TSC22D2: variants seen among roughly 807,000 people sequenced by gnomAD.
TSC22D2 encodes TSC22 domain family protein 2.
In TSC22D2, 5 loss-of-function variants were observed where a neutral mutation model predicts 50.1. That is an observed-to-expected ratio of 0.10 (90% CI 0.05 to 0.21). The LOEUF is 0.21. Ranked by LOEUF, TSC22D2 falls within the 10% of genes least tolerant of loss-of-function variation. The pLI, the probability that TSC22D2 is intolerant of heterozygous loss-of-function variation, is 1.00. For synonymous variants in TSC22D2, 501 were observed against 450.1 expected (o/e 1.11, Z -1.43); for missense variants, 1,003 against 1,015.5 (o/e 0.99, Z 0.17).
At chr3:150,418,217 A>C (rs1576543123) in intron 1 of TSC22D2, among the ~76,000 whole-genome samples, 1 of 151,932 alleles carries the variant, frequency 6.6e-6, no homozygotes, top group Non-Finnish European at 1.5e-5. Context: ...TGAGCACTGG[A>C]ATACAAATAT....
At chr3:150,424,536 A>G in intron 1 of TSC22D2, among the ~76,000 whole-genome samples, 1 of 152,200 alleles carries the variant, frequency 6.6e-6, no homozygotes, top group East Asian at 1.9e-4. Flanking sequence ...TGATATTGAA[A>G]GGTTTATTTT....
rs1721369505 is a variant in TSC22D2 at position 150,460,698 on chromosome 3, C to CTGTT, written c.*2063_*2066dup. On this transcript the variant is annotated 3_prime_UTR_variant, in exon 3 of 3. Coordinates refer to ENST00000688009, the MANE Select transcript of TSC22D2 (RefSeq NM_001303264.2). Reference sequence around the variant, plus strand: ...TGGAATGTGAAACTTCACTGTTGGACTGTTAACCGAAAAGGTTTGCTGGCT... The same window carrying CTGTT: ...TGGAATGTGAAACTTCACTGTTGGACTGTTTGTTAACCGAAAAGGTTTGCTGGCT... 1 of 152,198 alleles carries CTGTT rather than the reference C, an allele frequency of 6.6e-6. No homozygotes were observed. The highest frequency in any genetic ancestry group is 2.1e-4 in the South Asian group (1 of 4,832). 9.4% of individuals were successfully genotyped at this position (152,198 alleles called of 1,614,324 possible). A position where few individuals can be genotyped will look rare whatever the true frequency, so the allele number is the denominator to read the frequency against.
chr3:150,423,771 AT>A (rs1720087281), intron 1 of TSC22D2, among the ~76,000 whole-genome samples: 1 of 152,198 alleles, frequency 6.6e-6, no homozygotes, highest in Admixed American at 6.5e-5. Flanking sequence ...CTTAACACAC[AT>A]TTTAAGTAGT....
At position 150,408,366 on chromosome 3, in the gene TSC22D2, C is replaced by T. The variant is rs1300598805; in HGVS notation, c.-985C>T. On this transcript the variant is annotated 5_prime_UTR_variant, in exon 1 of 3. Coordinates refer to ENST00000688009, the MANE Select transcript of TSC22D2 (RefSeq NM_001303264.2). Reference sequence around the variant, plus strand: ...ATCCCTGGCGCGGCCATTTCAGCCCCATCTTGGCCCAGCGGAGGGAGCTGC... The same window carrying T: ...ATCCCTGGCGCGGCCATTTCAGCCCTATCTTGGCCCAGCGGAGGGAGCTGC... 2 of 153,104 alleles carry T rather than the reference C, an allele frequency of 1.3e-5. No homozygotes were observed. The highest frequency in any genetic ancestry group is 2.4e-5 in the African/African-American group (1 of 41,458). 9.5% of individuals were successfully genotyped at this position (153,104 alleles called of 1,614,324 possible).
rs140851096 is a variant in TSC22D2, at chr3:150,447,867, G to T, written c.1959-9209G>T. 4.3e-4 allele frequency among the ~76,000 whole-genome samples: 65 copies of T among 152,260 alleles called. 3 individuals carry two copies. In the East Asian group the frequency reaches 0.012, roughly 27 times the overall value. ...CTTACACTATTTTTCCAGTCACCAA[G>T]AAATAATTTAAAGTAGCAGGTATTA... On this transcript the variant is annotated intron_variant, in intron 1 of 2. Coordinates refer to ENST00000688009, the MANE Select transcript of TSC22D2 (RefSeq NM_001303264.2).
intron 1 of TSC22D2, 114 bp downstream of exon 1, chr3:150,411,422 A>C: frequency 2.5e-6 from 3 of 1,200,516 alleles, no homozygotes; most frequent in Non-Finnish European, 3.4e-6. Context: ...TTTAAATACA[A>C]AATTTAGTTT....
chr3:150,452,282 C>T (rs1016444004), intron 1 of TSC22D2, among the ~76,000 whole-genome samples: 1 of 152,038 alleles, frequency 6.6e-6, no homozygotes, highest in Non-Finnish European at 1.5e-5. Context: ...CCCGTCTCCA[C>T]TAAAAATACA....
intron 1 of TSC22D2, among the ~76,000 whole-genome samples, chr3:150,445,707 G>A (rs937327693): frequency 2.0e-5 from 3 of 152,088 alleles, no homozygotes; most frequent in Admixed American, 6.6e-5. Context: ...CCTTATAGCC[G>A]TCCTTTAAGA....
chr3:150,422,961 A>C lies in TSC22D2; in HGVS notation c.1958+11653A>C, dbSNP rs956386921. ...TTATTAAAAGTTACACTGTATTAGA[A>C]ATCTAAAATCTTCCATCTTCTTTTG... On this transcript the variant is annotated intron_variant, in intron 1 of 2. Coordinates refer to ENST00000688009, the MANE Select transcript of TSC22D2 (RefSeq NM_001303264.2). 4 of 965,116 alleles carry C rather than the reference A, an allele frequency of 4.1e-6. No homozygotes were observed. The African/African-American group carries it at 6.7e-5, about 16-fold the overall frequency. 59.8% of individuals were successfully genotyped at this position (965,116 alleles called of 1,614,324 possible). A position where few individuals can be genotyped will look rare whatever the true frequency, so the allele number is the denominator to read the frequency against.
At chr3:150,457,723 C>A (rs1357081829) in intron 2 of TSC22D2, among the ~76,000 whole-genome samples, 1 of 152,298 alleles carries the variant, frequency 6.6e-6, no homozygotes, top group African/African-American at 2.4e-5. Context: ...GCAACCTCCA[C>A]CTCCCAGGTT....
At chr3:150,417,766 T>C (rs764616499) in intron 1 of TSC22D2, among the ~76,000 whole-genome samples, 3 of 152,098 alleles carry the variant, frequency 2.0e-5, no homozygotes, top group Non-Finnish European at 4.4e-5. Flanking sequence ...TTACATGTTA[T>C]AAATCATACC....
At chr3:150,450,622 A>G (rs1169307537) in intron 1 of TSC22D2, among the ~76,000 whole-genome samples, 1 of 152,112 alleles carries the variant, frequency 6.6e-6, no homozygotes, top group African/African-American at 2.4e-5. Flanking sequence ...GAGGTTGTCT[A>G]TATGAATTTT....
In TSC22D2 at chr3:150,410,178, G is replaced by T. The variant is rs1206191550; in HGVS notation, c.828G>T (p.Pro276=). ...PQSFSVGQPQ[P]PPPPVGGAVA... ...GTTTTAGCGTTGGGCAGCCACAGCC[G>T]CCGCCGCCACCCGTAGGTGGGGCTG... is the stretch of plus-strand genomic sequence containing the variant. The change falls in exon 1 of 3, where the codon CCG becomes CCT. Residue 276 remains proline, a synonymous_variant. Coordinates refer to ENST00000688009, the MANE Select transcript of TSC22D2 (RefSeq NM_001303264.2). 2.5e-6 allele frequency: 4 copies of T among 1,608,300 alleles called. No individual in the cohort carries two copies. Among genetic ancestry groups the T allele is most frequent in the Non-Finnish European group, 3.4e-6 (4 of 1,178,056 alleles).
intron 1 of TSC22D2, among the ~76,000 whole-genome samples, chr3:150,424,377 T>A (rs1486470480): frequency 6.6e-6 from 1 of 152,188 alleles, no homozygotes; most frequent in Non-Finnish European, 1.5e-5. Flanking sequence ...AATAGCACTC[T>A]GTTTAGAAAT....
chr3:150,444,321 A>G (rs757036977), intron 1 of TSC22D2, among the ~76,000 whole-genome samples: 1 of 152,234 alleles, frequency 6.6e-6, no homozygotes, highest in South Asian at 2.1e-4. Context: ...ATATAATTAG[A>G]TAATATATTG....
chr3:150,439,054 A>G (rs1362524757), intron 1 of TSC22D2, among the ~76,000 whole-genome samples: 1 of 152,168 alleles, frequency 6.6e-6, no homozygotes, highest in African/African-American at 2.4e-5. Context: ...TTAGCTCAGG[A>G]TAAGACCTTA....
intron 1 of TSC22D2, among the ~76,000 whole-genome samples, chr3:150,426,509 A>G (rs1720197392): frequency 1.3e-5 from 2 of 152,164 alleles, no homozygotes; most frequent in Admixed American, 6.5e-5. Context: ...ACCCTCTTCT[A>G]AATACCAGGT....
In TSC22D2 at chr3:150,410,122, A is replaced by G; in HGVS notation, c.772A>G (p.Met258Val). Residue 258 changes from methionine (M) to valine (V), a missense_variant, in exon 1 of 3, where the codon ATG (methionine) becomes GTG (valine). Physicochemically the swap from Met to Val is conservative, Grantham distance 21. Around this residue, in one of 6 missense-constraint regions of TSC22D2, gnomAD observed 696 missense variants for 647.8 expected, o/e 1.07. Transcript: ENST00000688009. The stretch of plus-strand genomic sequence containing the variant: ...GTCACAGCTACCCCCGTCGGAGAAA[A>G]TGAGCCAGCCCACTCCGGCCCAGCC... Reference protein sequence around the residue: ...AVSQLPPSEKMSQPTPAQPQS... With the variant: ...AVSQLPPSEKVSQPTPAQPQS... The G allele has an allele frequency of 6.2e-7, 1 of 1,612,520 alleles. No individual in the cohort carries two copies. Among genetic ancestry groups the G allele is most frequent in the East Asian group, 2.2e-5 (1 of 44,844 alleles).
intron 1 of TSC22D2, among the ~76,000 whole-genome samples, chr3:150,434,575 T>C (rs1720477334): frequency 6.6e-6 from 1 of 152,244 alleles, no homozygotes; most frequent in Non-Finnish European, 1.5e-5. Context: ...TCAATATCTT[T>C]TTCCTTTGCC....
Sources: allele counts gnomAD v4.1 joint callset (sites outside exome capture counted in the v4.1 genomes callset), GRCh38; gene constraint gnomAD v4.1.1; regional missense constraint gnomAD v4.1.1; transcripts MANE v1.5; gene names NCBI Gene and HGNC (gene_info 2026-07-23, HGNC 2026-07-21).